The following CSMD1 variants were observed in gnomAD, a reference collection of about 807,000 sequenced individuals.
CSMD1 encodes CUB and Sushi multiple domains 1.
CSMD1 carries 213 observed loss-of-function variants against 417.5 expected under a neutral mutation model. The observed-to-expected ratio is 0.51, with a 90% CI of 0.46 to 0.57. The LOEUF (loss-of-function observed/expected upper bound fraction) is 0.57. Ranked by LOEUF, CSMD1 falls within the 20% of genes least tolerant of loss-of-function variation. The pLI is 0.00. For synonymous variants in CSMD1, 2,862 were observed against 1,736.8 expected (o/e 1.65, Z -16.11); for missense variants, 6,923 against 4,529.7 (o/e 1.53, Z -15.17).
At chr8:4,173,672 C>T (rs77586006) in intron 3 of CSMD1, among the ~76,000 whole-genome samples, 3,537 of 152,146 alleles carry the variant, frequency 0.023, 151 homozygotes, top group African/African-American at 0.08. Context: ...ACTGTGATAA[C>T]TGTAGTAGGA....
At chr8:4,365,281 G>T (rs115376845) in intron 3 of CSMD1, among the ~76,000 whole-genome samples, 5,924 of 152,244 alleles carry the variant, frequency 0.039, 363 homozygotes, top group African/African-American at 0.13. Flanking sequence ...AAAACTGTAA[G>T]TGTAAATAAA....
At chr8:3,564,290 G>C (rs537796925) in intron 10 of CSMD1, among the ~76,000 whole-genome samples, 1 of 151,794 alleles carries the variant, frequency 6.6e-6, no homozygotes, top group Non-Finnish European at 1.5e-5. Context: ...AAAAGAAACG[G>C]AGTAAATCCT....
chr8:4,064,551 G>A (rs893725320), intron 3 of CSMD1, among the ~76,000 whole-genome samples: 1 of 152,196 alleles, frequency 6.6e-6, no homozygotes, highest in African/African-American at 2.4e-5. Flanking sequence ...GTGCATCGAT[G>A]TCAACACACA....
At chr8:4,269,695 T>C (rs1180815355) in intron 3 of CSMD1, among the ~76,000 whole-genome samples, 1 of 152,228 alleles carries the variant, frequency 6.6e-6, no homozygotes, top group African/African-American at 2.4e-5. Flanking sequence ...CTTTGCAGTT[T>C]ATCAATTAAC....
At chr8:4,056,289 G>A (rs1376119386) in intron 3 of CSMD1, among the ~76,000 whole-genome samples, 2 of 151,372 alleles carry the variant, frequency 1.3e-5, no homozygotes, top group Admixed American at 6.6e-5. Context: ...CACCATGTTG[G>A]CCTGGCTCGT....
intron 5 of CSMD1, among the ~76,000 whole-genome samples, chr8:3,811,917 G>C (rs963861043): frequency 6.6e-6 from 1 of 152,088 alleles, no homozygotes; most frequent in African/African-American, 2.4e-5. Context: ...TCTTAACAAA[G>C]CACATATAGA....
chr8:3,954,537 T>G (rs1015493233), intron 5 of CSMD1, among the ~76,000 whole-genome samples: 3 of 152,122 alleles, frequency 2.0e-5, no homozygotes, highest in Non-Finnish European at 4.4e-5. Flanking sequence ...CAGATAATTT[T>G]TTTGTATTTT....
intron 51 of CSMD1, among the ~76,000 whole-genome samples, chr8:3,024,552 T>G (rs918054669): frequency 1.3e-5 from 2 of 152,154 alleles, no homozygotes; most frequent in Non-Finnish European, 1.5e-5. Flanking sequence ...GGTGATCCAC[T>G]CGCCTTGGCC....
At chr8:2,976,222 G>GAA (rs113816097) in intron 55 of CSMD1, among the ~76,000 whole-genome samples, 10 of 137,466 alleles carry the variant, frequency 7.3e-5, no homozygotes, top group Non-Finnish European at 9.5e-5. Context: ...CTCACTTGGA[G>GAA]AAAAAAAAAA....
chr8:4,680,558 G>A (rs1009009494), intron 1 of CSMD1, among the ~76,000 whole-genome samples: 1 of 152,064 alleles, frequency 6.6e-6, no homozygotes, highest in Non-Finnish European at 1.5e-5. Flanking sequence ...CAGCTTGATA[G>A]GGGGCCACCA....
chr8:4,752,431 T>G (rs1811392413), intron 1 of CSMD1, among the ~76,000 whole-genome samples: 1 of 152,194 alleles, frequency 6.6e-6, no homozygotes, highest in Non-Finnish European at 1.5e-5. Flanking sequence ...TGTGACTGAT[T>G]GTTTCATAAA....
intron 42 of CSMD1, among the ~76,000 whole-genome samples, chr8:3,114,656 G>A (rs1021511202): frequency 1.3e-5 from 2 of 152,000 alleles, no homozygotes; most frequent in African/African-American, 4.8e-5. Flanking sequence ...AGATTTTAAA[G>A]ACTGTATTTG....
chr8:4,052,843 C>T (rs916415823), intron 3 of CSMD1, among the ~76,000 whole-genome samples: 3 of 152,066 alleles, frequency 2.0e-5, no homozygotes, highest in Non-Finnish European at 4.4e-5. Context: ...TAGGTAAACC[C>T]CTCTCCATCT....
At chr8:4,652,517 G>C (rs1803961651) in intron 1 of CSMD1, among the ~76,000 whole-genome samples, 1 of 152,022 alleles carries the variant, frequency 6.6e-6, no homozygotes, top group Admixed American at 6.6e-5. Context: ...GCCCCATGTG[G>C]TGGCTGCACC....
At chr8:4,671,246 G>A (rs1312045894) in intron 1 of CSMD1, among the ~76,000 whole-genome samples, 1 of 152,128 alleles carries the variant, frequency 6.6e-6, no homozygotes, top group Admixed American at 6.5e-5. Flanking sequence ...GAAGTCATTA[G>A]ATAATTTCTT....
rs1033505328 is a variant in CSMD1, at chr8:4,143,405, T to C, written c.416-111306A>G. Among the ~76,000 whole-genome samples the C allele has an allele frequency of 3.3e-5, 5 of 150,374 alleles. 1 individual carries two copies. Among genetic ancestry groups the C allele is most frequent in the African/African-American group, 1.3e-4 (5 of 39,942 alleles). On this transcript the variant is annotated intron_variant, in intron 3 of 69. Coordinates refer to ENST00000635120, the MANE Select transcript of CSMD1 (RefSeq NM_033225.6). ...TTTTTTTTGCTACAGACTAAGTTAA[T>C]TAGGTGGAACCCAGGCTGAAAGTTC...
chr8:3,320,771 C>T (rs910135579), intron 23 of CSMD1, among the ~76,000 whole-genome samples: 1 of 152,174 alleles, frequency 6.6e-6, no homozygotes, highest in African/African-American at 2.4e-5. Flanking sequence ...CCCATCCTCT[C>T]TGGGCTTATT....
At chr8:4,675,095 C>G (rs748973295) in intron 1 of CSMD1, among the ~76,000 whole-genome samples, 5 of 152,194 alleles carry the variant, frequency 3.3e-5, no homozygotes, top group Non-Finnish European at 7.4e-5. Context: ...GTTTAAGCCA[C>G]CCAATCCATG....
chr8:3,605,708 G>T (rs930470631), intron 8 of CSMD1, among the ~76,000 whole-genome samples: 2 of 152,178 alleles, frequency 1.3e-5, no homozygotes, highest in African/African-American at 4.8e-5. Flanking sequence ...ACAAAGAACA[G>T]ATGTTATTAG....
Sources: allele counts gnomAD v4.1 joint callset (sites outside exome capture counted in the v4.1 genomes callset), GRCh38; gene constraint gnomAD v4.1.1; transcripts MANE v1.5; gene names NCBI Gene and HGNC (gene_info 2026-07-23, HGNC 2026-07-21).